WWOX: variants seen among roughly 807,000 people sequenced by gnomAD.
The protein encoded by WWOX is WW domain containing oxidoreductase.
In WWOX, 69 loss-of-function variants were observed where a neutral mutation model predicts 46.2. That is an observed-to-expected ratio of 1.49 (90% confidence interval 1.23 to 1.82). The LOEUF (loss-of-function observed/expected upper bound fraction) is 1.82, where lower values mean the gene tolerates loss of function less well. WWOX is among the 40% of genes most tolerant of loss of function. WWOX has a pLI of 0.00. For missense variants in WWOX, 919 were observed against 542.6 expected (o/e 1.69, Z -6.89); for synonymous variants, 359 against 202.6 (o/e 1.77, Z -6.56).
chr16:78,897,161 T>C (rs562603853), intron 8 of WWOX: 1 of 142,398 alleles, frequency 7.0e-6, no homozygotes, highest in East Asian at 2.2e-4. Context: ...GAGGCTTGAG[T>C]ATCGCCTGGG....
chr16:78,887,464 A>G (rs941991276), intron 8 of WWOX, among the ~76,000 whole-genome samples: 2 of 118,416 alleles, frequency 1.7e-5, no homozygotes, highest in East Asian at 5.1e-4. Context: ...AACAAAGTAT[A>G]TAAAACACAC....
intron 5 of WWOX, among the ~76,000 whole-genome samples, chr16:78,217,727 G>A (rs562411914): frequency 6.6e-6 from 1 of 152,090 alleles, no homozygotes; most frequent in Non-Finnish European, 1.5e-5. Context: ...TCAGCAGACA[G>A]TTTCTTCACT....
intron 8 of WWOX, among the ~76,000 whole-genome samples, chr16:78,765,369 G>T (rs1417173472): frequency 6.6e-6 from 1 of 152,170 alleles, no homozygotes; most frequent in Non-Finnish European, 1.5e-5. Flanking sequence ...GCAGGTGAGA[G>T]GCCCTGAAAT....
intron 4 of WWOX, among the ~76,000 whole-genome samples, chr16:78,145,735 C>T (rs981515850): frequency 2.0e-5 from 3 of 152,156 alleles, no homozygotes; most frequent in African/African-American, 7.2e-5. Flanking sequence ...TTCACATAGT[C>T]TCCTCACCGT....
intron 5 of WWOX, among the ~76,000 whole-genome samples, chr16:78,222,773 C>G (rs549908942): frequency 4.3e-4 from 66 of 152,334 alleles, no homozygotes; most frequent in African/African-American, 1.6e-3. Context: ...CAGTTCATGA[C>G]AAATGTAGTG....
At chr16:79,080,610 A>T (rs1290842811) in intron 8 of WWOX, among the ~76,000 whole-genome samples, 1 of 152,204 alleles carries the variant, frequency 6.6e-6, no homozygotes, top group Non-Finnish European at 1.5e-5. Context: ...GGATGGACTC[A>T]ATCTGGACCC....
intron 8 of WWOX, among the ~76,000 whole-genome samples, chr16:79,020,010 C>A (rs1441079654): frequency 6.6e-6 from 1 of 152,196 alleles, no homozygotes; most frequent in Non-Finnish European, 1.5e-5. Flanking sequence ...GGGAAGAGCT[C>A]ATCATTAACA....
At chr16:78,725,253 G>A (rs1597497211) in intron 8 of WWOX, among the ~76,000 whole-genome samples, 1 of 151,240 alleles carries the variant, frequency 6.6e-6, no homozygotes, top group Non-Finnish European at 1.5e-5. Context: ...CCAGCCACGT[G>A]AAATTGTGAG....
intron 8 of WWOX, among the ~76,000 whole-genome samples, chr16:78,801,739 C>T (rs971100512): frequency 1.3e-5 from 2 of 152,156 alleles, no homozygotes; most frequent in African/African-American, 2.4e-5. Flanking sequence ...CATTGTCCCT[C>T]TCCTTAGTGT....
intron 5 of WWOX, among the ~76,000 whole-genome samples, chr16:78,307,178 T>C (rs1022604943): frequency 1.1e-4 from 17 of 152,212 alleles, no homozygotes; most frequent in Non-Finnish European, 1.8e-4. Flanking sequence ...AGGTATTTTT[T>C]TTATGAAGTA....
intron 8 of WWOX, among the ~76,000 whole-genome samples, chr16:78,541,314 A>G (rs1373484431): frequency 6.6e-6 from 1 of 150,872 alleles, no homozygotes; most frequent in African/African-American, 2.4e-5. Flanking sequence ...CTCTACTAAA[A>G]ATACAAAAAA....
chr16:78,493,883 T>C (rs1176922757), intron 8 of WWOX, among the ~76,000 whole-genome samples: 3 of 152,186 alleles, frequency 2.0e-5, no homozygotes, highest in East Asian at 1.9e-4. Flanking sequence ...TTTGGATAGA[T>C]GAATGGTAAT....
chr16:79,021,729 A>G (rs1290467110), intron 8 of WWOX, among the ~76,000 whole-genome samples: 1 of 152,206 alleles, frequency 6.6e-6, no homozygotes, highest in Non-Finnish European at 1.5e-5. Context: ...GATGTTAGTG[A>G]AAAATAAAGA....
intron 8 of WWOX, among the ~76,000 whole-genome samples, chr16:78,867,983 C>G (rs1279767706): frequency 6.6e-6 from 1 of 152,170 alleles, no homozygotes; most frequent in African/African-American, 2.4e-5. Flanking sequence ...TGTCCAGTGC[C>G]TTAAAAAGTT....
intron 8 of WWOX, among the ~76,000 whole-genome samples, chr16:79,074,218 C>A (rs540453613): frequency 1.3e-5 from 2 of 150,644 alleles, no homozygotes; most frequent in Non-Finnish European, 3.0e-5. Context: ...GTGGAAGGAA[C>A]CTGGATTTCT....
intron 8 of WWOX, among the ~76,000 whole-genome samples, chr16:78,583,527 G>T (rs568384628): frequency 6.0e-4 from 91 of 152,334 alleles, no homozygotes; most frequent in Non-Finnish European, 1.2e-3. Context: ...GGGATTGTAG[G>T]TTTTGTGGGA....
chr16:78,708,044 G>T (rs1202093910), intron 8 of WWOX, among the ~76,000 whole-genome samples: 1 of 151,872 alleles, frequency 6.6e-6, no homozygotes, highest in Non-Finnish European at 1.5e-5. Flanking sequence ...CAGGACACCT[G>T]GCCTGTTACA....
intron 8 of WWOX, among the ~76,000 whole-genome samples, chr16:78,911,258 GTTTT>G (rs147961890): frequency 6.6e-6 from 1 of 152,002 alleles, no homozygotes; most frequent in African/African-American, 2.4e-5. Flanking sequence ...ATTCAAATCT[GTTTT>G]TTGTCATAAC....
chr16:79,055,907 A>T (rs1286392596), intron 8 of WWOX, among the ~76,000 whole-genome samples: 1 of 152,204 alleles, frequency 6.6e-6, no homozygotes, highest in East Asian at 1.9e-4. Context: ...AAGCAGGGAT[A>T]AGAAGAGGGA....
Sources: allele counts gnomAD v4.1 joint callset (sites outside exome capture counted in the v4.1 genomes callset), GRCh38; gene constraint gnomAD v4.1.1; transcripts MANE v1.5; gene names NCBI Gene and HGNC (gene_info 2026-07-23, HGNC 2026-07-21).